The following DAB1 variants were observed in gnomAD, a reference collection of about 807,000 sequenced individuals.
DAB1 encodes the protein DAB adaptor protein 1.
Under a neutral mutation model 64.6 loss-of-function variants are expected in DAB1, and 15 were observed. That is an observed-to-expected ratio of 0.23 (90% CI 0.16 to 0.36). The LOEUF is 0.36. Among genes scored for constraint, DAB1 ranks in the 10% least tolerant of loss-of-function variants. The pLI is 1.00. For missense variants in DAB1, 596 were observed against 706.7 expected, an observed-to-expected ratio of 0.84 and a Z score of 1.78; for synonymous variants, 235 against 251.9, an observed-to-expected ratio of 0.93 and a Z score of 0.64.
intron 5 of DAB1, among the ~76,000 whole-genome samples, chr1:58,051,749 A>G (rs1322510333): frequency 2.6e-5 from 4 of 152,172 alleles, no homozygotes; most frequent in South Asian, 4.1e-4. Flanking sequence ...TCTAACTGGC[A>G]TGAGATGGTA....
intron 2 of DAB1, among the ~76,000 whole-genome samples, chr1:57,259,476 C>T (rs1233516172): frequency 5.9e-5 from 9 of 152,208 alleles, no homozygotes; most frequent in African/African-American, 2.2e-4. Context: ...AGGAGCTGGT[C>T]TTGAGAGAGG....
At chr1:58,374,688 TTAAAG>T (rs1644306107) in intron 3 of DAB1, among the ~76,000 whole-genome samples, 2 of 139,022 alleles carry the variant, frequency 1.4e-5, no homozygotes, top group African/African-American at 5.4e-5. Flanking sequence ...CATATGAACT[TTAAAG>T]TAGTTTTTTC....
intron 4 of DAB1, among the ~76,000 whole-genome samples, chr1:58,307,747 G>A (rs371912721): frequency 6.6e-6 from 1 of 152,028 alleles, no homozygotes; most frequent in Admixed American, 6.6e-5. Context: ...AGCATTTTGG[G>A]GGTGAAGTGA....
intron 2 of DAB1, among the ~76,000 whole-genome samples, chr1:57,151,723 T>A (rs1659684756): frequency 6.6e-6 from 1 of 152,028 alleles, no homozygotes; most frequent in Non-Finnish European, 1.5e-5. Context: ...AAAAAAGTTG[T>A]TAGTAATAAT....
At chr1:57,519,462 C>T (rs1187822542) in intron 7 of DAB1, among the ~76,000 whole-genome samples, 1 of 152,130 alleles carries the variant, frequency 6.6e-6, no homozygotes, top group Admixed American at 6.6e-5. Context: ...TCAAATCCTT[C>T]CAGGTGAGTA....
intron 2 of DAB1, among the ~76,000 whole-genome samples, chr1:57,145,639 G>A (rs1404763660): frequency 6.6e-6 from 1 of 152,154 alleles, no homozygotes; most frequent in Non-Finnish European, 1.5e-5. Context: ...TCCTTTCTGA[G>A]ACTCAGTTTT....
intron 5 of DAB1, among the ~76,000 whole-genome samples, chr1:58,064,147 G>A (rs1648687195): frequency 6.6e-6 from 1 of 152,192 alleles, no homozygotes. Context: ...ATAGAGATAT[G>A]AGATAGGGAA....
intron 6 of DAB1, among the ~76,000 whole-genome samples, chr1:57,651,655 A>G (rs1453058541): frequency 1.3e-5 from 2 of 150,778 alleles, no homozygotes; most frequent in Non-Finnish European, 2.9e-5. Flanking sequence ...GGTTTATTGT[A>G]GAAAACAAAC....
chr1:58,369,196 C>CT (rs950241695), intron 3 of DAB1, among the ~76,000 whole-genome samples: 9 of 152,150 alleles, frequency 5.9e-5, no homozygotes, highest in African/African-American at 1.7e-4. Context: ...CCTTTATTGG[C>CT]TTTTTTCCCC....
At chr1:58,259,064 T>G (rs899208809) in intron 4 of DAB1, among the ~76,000 whole-genome samples, 1 of 152,230 alleles carries the variant, frequency 6.6e-6, no homozygotes, top group Non-Finnish European at 1.5e-5. Flanking sequence ...ATTAAAATTT[T>G]ACAGGATTGT....
Position 57,907,382 on chromosome 1 carries a change from G to A in DAB1, n.388-23220C>T, listed in dbSNP as rs190903857. Among the ~76,000 whole-genome samples, 441 of 152,252 alleles carry A rather than the reference G, an allele frequency of 2.9e-3. 1 individual carries two copies. Among genetic ancestry groups the A allele is most frequent in the African/African-American group, 0.01 (426 of 41,550 alleles). On this transcript the variant is annotated intron_variant and non_coding_transcript_variant, in intron 5 of 20. Transcript: ENST00000485760. ...ACCATGTGGTAACCAGAAAACATTA[G>A]GTCTCCTGACCTGACTGTAAAGATG...
At chr1:57,133,190 C>T (rs750937534) in intron 4 of DAB1, among the ~76,000 whole-genome samples, 3 of 152,136 alleles carry the variant, frequency 2.0e-5, no homozygotes, top group African/African-American at 7.2e-5. Flanking sequence ...AAGGATGTTG[C>T]GACATCTTGA....
At chr1:57,185,252 AG>A (rs1167839699) in intron 2 of DAB1, among the ~76,000 whole-genome samples, 5 of 152,282 alleles carry the variant, frequency 3.3e-5, no homozygotes, top group East Asian at 1.9e-4. Flanking sequence ...GTTATTCCAT[AG>A]TACCCTGGGC....
At chr1:57,816,760 A>G (rs974303700) in intron 6 of DAB1, among the ~76,000 whole-genome samples, 1 of 152,020 alleles carries the variant, frequency 6.6e-6, no homozygotes. Context: ...CCAGGCTATC[A>G]CTCCTACGTC....
chr1:58,461,496 G>A (rs9651188), intron 3 of DAB1, among the ~76,000 whole-genome samples: 2,628 of 152,278 alleles, frequency 0.017, 87 homozygotes, highest in African/African-American at 0.06. Context: ...GCGGGCCAGT[G>A]CTACTCAGGG....
intron 2 of DAB1, among the ~76,000 whole-genome samples, chr1:57,156,723 CT>C (rs1384269528): frequency 7.9e-5 from 12 of 152,166 alleles, no homozygotes; most frequent in Admixed American, 7.9e-4. Context: ...TTAATATTGG[CT>C]TTGCTTTATG....
At chr1:58,496,186 T>A (rs1333569407) in intron 3 of DAB1, among the ~76,000 whole-genome samples, 3 of 152,128 alleles carry the variant, frequency 2.0e-5, no homozygotes, top group African/African-American at 2.4e-5. Context: ...TTTTTGGCTT[T>A]GGGCATTTTA....
chr1:57,370,891 A>T (rs1476770755), intron 1 of DAB1, among the ~76,000 whole-genome samples: 1 of 152,202 alleles, frequency 6.6e-6, no homozygotes, highest in African/African-American at 2.4e-5. Context: ...TTAAAAAGTG[A>T]TTTCAAATAC....
chr1:58,169,826 G>T lies in DAB1; in HGVS notation n.310-19238C>A, dbSNP rs191192814. Among the ~76,000 whole-genome samples the T allele has an allele frequency of 3.3e-5, 5 of 152,262 alleles. No individual in the cohort carries two copies. In the East Asian group the frequency reaches 9.7e-4, roughly 29 times the overall value. ...GGACCACAAAAACCCCCAGGCTATC[G>T]GTTATGTCCCCTTCAAGCTGTAGGG... On this transcript the variant is annotated intron_variant and non_coding_transcript_variant, in intron 4 of 20. Coordinates refer to the DAB1 transcript ENST00000485760.
Sources: allele counts gnomAD v4.1 joint callset (sites outside exome capture counted in the v4.1 genomes callset), GRCh38; gene constraint gnomAD v4.1.1; transcripts MANE v1.5; gene names NCBI Gene and HGNC (gene_info 2026-07-23, HGNC 2026-07-21).